The following CAND1 variants were observed in gnomAD, a reference collection of about 807,000 sequenced individuals.
CAND1 encodes cullin associated and neddylation dissociated 1.
CAND1 carries 7 observed loss-of-function variants against 108.5 expected under a neutral mutation model. The ratio of observed to expected loss-of-function variants is 0.06; its 90% CI spans 0.04 to 0.12. The LOEUF (loss-of-function observed/expected upper bound fraction) is 0.12. CAND1 is among the 10% of genes least tolerant of loss of function. The pLI is 1.00. For missense variants in CAND1, 941 were observed against 1,448.7 expected (o/e 0.65, Z 5.69); for synonymous variants, 534 against 512.0 (o/e 1.04, Z -0.58).
At chr12:67,292,408 A>G (rs763384596) in intron 2 of CAND1, among the ~76,000 whole-genome samples, 1 of 152,224 alleles carries the variant, frequency 6.6e-6, no homozygotes, top group Non-Finnish European at 1.5e-5. Flanking sequence ...TCATGATACT[A>G]GGATGGAAAT....
chr12:67,302,752 ATGT>A (rs1249591927), intron 8 of CAND1, 137 bp downstream of exon 8: 1 of 664,598 alleles, frequency 1.5e-6, no homozygotes, highest in Non-Finnish European at 2.6e-6. Flanking sequence ...TAGTTAATGC[ATGT>A]TCATATTATG....
At chr12:67,280,200 A>G (rs11176669) in intron 1 of CAND1, among the ~76,000 whole-genome samples, 15,404 of 152,282 alleles carry the variant, frequency 0.1, 1,543 homozygotes, top group African/African-American at 0.26. Flanking sequence ...GAACGTGGTA[A>G]GAATTAAACT....
At chr12:67,303,447 G>A (rs999060752) in intron 8 of CAND1, among the ~76,000 whole-genome samples, 1 of 152,218 alleles carries the variant, frequency 6.6e-6, no homozygotes, top group East Asian at 1.9e-4. Flanking sequence ...GAGATAAAGT[G>A]TATGGAGGAC....
intron 2 of CAND1, among the ~76,000 whole-genome samples, chr12:67,283,005 C>A (rs985937803): frequency 1.3e-5 from 2 of 152,070 alleles, no homozygotes; most frequent in Admixed American, 6.5e-5. Context: ...CTTTTAGAAA[C>A]CCTTAATTTA....
In CAND1 at chr12:67,304,590, A is replaced by G. The variant is rs761910534; in HGVS notation, c.1294-15A>G. 10 of 1,612,864 alleles carry G rather than the reference A, an allele frequency of 6.2e-6. No homozygotes were observed. Among genetic ancestry groups the G allele is most frequent in the Admixed American group, 3.4e-5 (2 of 59,668 alleles). On this transcript the variant is annotated splice_polypyrimidine_tract_variant and intron_variant, in intron 8 of 14. Transcript: ENST00000545606. ...CCAACAGCTGAACCAGCTAATGACTATATGATAATTGCAGGTTCCCAACAT... is the reference window on the plus strand; with the variant it reads ...CCAACAGCTGAACCAGCTAATGACTGTATGATAATTGCAGGTTCCCAACAT...
chr12:67,307,763 G>A (rs1298952887), intron 11 of CAND1, among the ~76,000 whole-genome samples: 6 of 151,906 alleles, frequency 3.9e-5, no homozygotes. Context: ...TTTTTGGGGT[G>A]ACCTAAGATA....
At chr12:67,276,108 C>G (rs1244040171) in intron 1 of CAND1, among the ~76,000 whole-genome samples, 1 of 152,126 alleles carries the variant, frequency 6.6e-6, no homozygotes, top group African/African-American at 2.4e-5. Flanking sequence ...CTCTTCCTAA[C>G]CCAGTTTGTT....
In CAND1 at chr12:67,281,933, T is replaced by C. The variant is rs2044623757; in HGVS notation, c.92T>C (p.Met31Thr). Residue 31 changes from methionine (M) to threonine (T), a missense_variant, in exon 2 of 15, where the codon ATG (methionine) becomes ACG (threonine). Coordinates refer to ENST00000545606, the MANE Select transcript of CAND1 (RefSeq NM_018448.5). ...DFRFMATNDL[M>T]TELQKDSIKL... ...AGGTTTATGGCTACAAATGATTTGA[T>C]GACGGAACTGCAGAAAGATTCCATC... The C allele has an allele frequency of 6.2e-7, 1 of 1,608,504 alleles. No individual in the cohort carries two copies. Among genetic ancestry groups the C allele is most frequent in the Non-Finnish European group, 8.5e-7 (1 of 1,177,942 alleles).
intron 6 of CAND1, among the ~76,000 whole-genome samples, 184 bp from the exon 7 acceptor site, chr12:67,298,766 C>G (rs2044793963): frequency 6.6e-6 from 1 of 152,038 alleles, no homozygotes; most frequent in East Asian, 1.9e-4. Flanking sequence ...TAAATAAGTA[C>G]AATTTGAAAG....
At chr12:67,307,166 T>C (rs1436235624) in intron 10 of CAND1, among the ~76,000 whole-genome samples, 1 of 152,146 alleles carries the variant, frequency 6.6e-6, no homozygotes, top group Non-Finnish European at 1.5e-5. Flanking sequence ...TTCAAGTCCC[T>C]CCTTCCCAGA....
At chr12:67,293,086 G>T in intron 3 of CAND1, 1 of 277,620 alleles carries the variant, frequency 3.6e-6, no homozygotes. Context: ...TATGCAGTGA[G>T]GGAAGAGATA....
Position 67,297,600 on chromosome 12 carries a change from TCAA to T in CAND1, c.692_694del (p.Thr231del). On this transcript the variant is annotated inframe_deletion, in exon 5 of 15. Coordinates refer to ENST00000545606, the MANE Select transcript of CAND1 (RefSeq NM_018448.5). ...AGAGTTGTCCAAAAATGATTCTATG[TCAA>T]CAACAAGAACCTACATACAATGTAT... 2.5e-6 allele frequency: 4 copies of T among 1,614,040 alleles called. No individual in the cohort carries two copies. The highest frequency in any genetic ancestry group is 1.7e-5 in the Admixed American group (1 of 60,010).
At chr12:67,283,661 T>A (rs188694877) in intron 2 of CAND1, among the ~76,000 whole-genome samples, 1 of 152,272 alleles carries the variant, frequency 6.6e-6, no homozygotes, top group African/African-American at 2.4e-5. Flanking sequence ...TTTTAATATC[T>A]TTTTGCCATG....
chr12:67,275,305 T>C (rs1325012796), intron 1 of CAND1, among the ~76,000 whole-genome samples: 1 of 152,164 alleles, frequency 6.6e-6, no homozygotes, highest in East Asian at 1.9e-4. Context: ...GGCAGGCAGA[T>C]CATCTGAGGT....
chr12:67,311,656 T>C (rs1390256533), intron 13 of CAND1, 37 bp from the exon 14 acceptor site: 2 of 1,198,706 alleles, frequency 1.7e-6, no homozygotes, highest in South Asian at 1.3e-5. Context: ...TAGAAAATGA[T>C]GTCAAATCTA....
intron 1 of CAND1, among the ~76,000 whole-genome samples, chr12:67,276,667 T>C (rs1201447646): frequency 1.3e-5 from 2 of 152,210 alleles, no homozygotes; most frequent in East Asian, 1.9e-4. Flanking sequence ...TTTGTATTGC[T>C]CAGGGACCTT....
chr12:67,288,725 A>G (rs1359318786), intron 2 of CAND1, among the ~76,000 whole-genome samples: 2 of 152,204 alleles, frequency 1.3e-5, no homozygotes, highest in African/African-American at 2.4e-5. Context: ...TCAGTCAGAG[A>G]TGGAACATTA....
intron 7 of CAND1, among the ~76,000 whole-genome samples, chr12:67,301,553 C>T (rs185666171): frequency 8.7e-4 from 132 of 152,182 alleles, no homozygotes; most frequent in African/African-American, 2.9e-3. Context: ...ACATGTTATC[C>T]ATCAAGTATA....
At chr12:67,298,021 CATTT>C (rs1258374223) in intron 6 of CAND1, among the ~76,000 whole-genome samples, 168 bp downstream of exon 6, 1 of 152,114 alleles carries the variant, frequency 6.6e-6, no homozygotes, top group Non-Finnish European at 1.5e-5. Context: ...GTGGTCATCA[CATTT>C]ATTTTGAAAA....
Sources: allele counts gnomAD v4.1 joint callset (sites outside exome capture counted in the v4.1 genomes callset), GRCh38; gene constraint gnomAD v4.1.1; transcripts MANE v1.5; gene names NCBI Gene and HGNC (gene_info 2026-07-23, HGNC 2026-07-21).